The following RPRD2 variants were observed in gnomAD, a reference collection of about 807,000 sequenced individuals.
The protein encoded by RPRD2 is regulation of nuclear pre-mRNA domain containing 2.
Under a neutral mutation model 104.4 loss-of-function variants are expected in RPRD2, and 12 were observed. That is an observed-to-expected ratio of 0.11 (90% CI 0.07 to 0.19). RPRD2 has a LOEUF of 0.19. Among genes scored for constraint, RPRD2 ranks in the 10% least tolerant of loss-of-function variants. The pLI, the probability that RPRD2 is intolerant of heterozygous loss-of-function variation, is 1.00. For missense variants in RPRD2, 1,543 were observed against 1,790.1 expected, an observed-to-expected ratio of 0.86 and a Z score of 2.49; for synonymous variants, 714 against 684.9, an observed-to-expected ratio of 1.04 and a Z score of -0.66.
intron 10 of RPRD2, among the ~76,000 whole-genome samples, chr1:150,465,467 A>C (rs1481163809): frequency 2.0e-5 from 3 of 152,170 alleles, no homozygotes; most frequent in Non-Finnish European, 4.4e-5. Context: ...AGAATTATAA[A>C]ATGTGAAAGC....
In RPRD2 at chr1:150,471,492, C is replaced by T; in HGVS notation, c.2544C>T (p.Asn848=). Residue 848 remains asparagine (N), a synonymous_variant, in exon 11 of 11, where the codon AAC becomes AAT. Transcript: ENST00000369068. This position sits in a 1 kb window ranked among gnomAD's most constrained non-coding sequence, Gnocchi z 5.3. ...GGCCTCCACCCTCTGCCATGATGAACCTAGAGAAGAAACCAGCCAAATCTA... is the reference window on the plus strand; with the variant it reads ...GGCCTCCACCCTCTGCCATGATGAATCTAGAGAAGAAACCAGCCAAATCTA... The part of the protein sequence containing the change: ...YSGPPPSAMM[N]LEKKPAKSIL... The T allele has an allele frequency of 6.2e-7, 1 of 1,613,748 alleles. No homozygotes were observed. The highest frequency in any genetic ancestry group is 8.5e-7 in the Non-Finnish European group (1 of 1,179,848).
chr1:150,457,604 C>T (rs781936810), intron 8 of RPRD2, 34 bp downstream of exon 8: 23 of 1,590,166 alleles, frequency 1.4e-5, no homozygotes, highest in Non-Finnish European at 1.9e-5. Flanking sequence ...ACAACTTATT[C>T]CTTATCTGTT....
chr1:150,387,566 CCTTTTTTTTTTTTTTTTTTTTT>C lies in RPRD2; in HGVS notation c.205+22648_205+22669del, dbSNP rs1449101976. ...TAAATCTTACAGAAGTTGCAACAGA[CCTTTTTTTTTTTTTTTTTTTTT>C]TTTTTTTTTTTTTTTTTTTTGAGAC... On this transcript the variant is annotated intron_variant, in intron 1 of 10. Transcript: ENST00000369068. 9.6e-4 allele frequency among the ~76,000 whole-genome samples: 67 copies of C among 70,128 alleles called. 1 individual carries two copies. Among genetic ancestry groups the C allele is most frequent in the South Asian group, 7.0e-3 (12 of 1,720 alleles). The allele number at this position is 70,128 out of a possible 152,430, so 46.0% of individuals were successfully genotyped here.
intron 2 of RPRD2, among the ~76,000 whole-genome samples, chr1:150,440,320 G>A (rs782356502): frequency 5.3e-5 from 8 of 151,994 alleles, no homozygotes; most frequent in East Asian, 1.9e-4. Context: ...CATCCACCTC[G>A]GCCTCCCAAA....
At chr1:150,464,749 G>A in intron 10 of RPRD2, 22 bp downstream of exon 10, 5 of 1,574,284 alleles carry the variant, frequency 3.2e-6, no homozygotes, top group Non-Finnish European at 4.3e-6. Context: ...ATGCCAGAGG[G>A]ACTCGAATTG....
chr1:150,465,790 T>C (rs2012751), intron 10 of RPRD2, among the ~76,000 whole-genome samples: 90,921 of 151,814 alleles, frequency 0.6, 27,732 homozygotes, highest in African/African-American at 0.65. Flanking sequence ...CAGGTGCAGT[T>C]GCTCACGCCT....
At chr1:150,467,132 G>A (rs1298223174) in intron 10 of RPRD2, among the ~76,000 whole-genome samples, 1 of 152,182 alleles carries the variant, frequency 6.6e-6, no homozygotes, top group African/African-American at 2.4e-5. Flanking sequence ...AAGGAGTGGT[G>A]TAAAACAGTT....
At position 150,384,639 on chromosome 1, in the gene RPRD2, TTGTG is replaced by T. The variant is rs71086504; in HGVS notation, c.205+19760_205+19763del. Among the ~76,000 whole-genome samples the T allele has an allele frequency of 4.3e-3, 568 of 133,362 alleles. 6 individuals are homozygous for T. Among genetic ancestry groups the T allele is most frequent in the East Asian group, 0.026 (111 of 4,292 alleles). The allele number at this position is 133,362 out of a possible 152,430, so 87.5% of individuals were successfully genotyped here. On this transcript the variant is annotated intron_variant, in intron 1 of 10. Transcript: ENST00000369068. The stretch of plus-strand genomic sequence containing the variant: ...GCGCCTGCCACCACGCCTGGCTAAT[TTGTG>T]TGTGTGTGTGTGTGTGTGTGTGTGT...
In RPRD2 at chr1:150,400,948, G is replaced by C. The variant is rs587621600; in HGVS notation, c.206-16648G>C. Among the ~76,000 whole-genome samples the C allele has an allele frequency of 2.6e-5, 4 of 151,806 alleles. No homozygotes were observed. In the South Asian group the frequency reaches 8.3e-4, roughly 32 times the overall value. On this transcript the variant is annotated intron_variant, in intron 1 of 10. Transcript: ENST00000369068. ...TCCCAGCACTTTGGGAGGCCAAGGT[G>C]GGTGGATCACGAGGTCAGGAGATCG...
At chr1:150,411,652 G>T (rs1214751039) in intron 1 of RPRD2, among the ~76,000 whole-genome samples, 1 of 128,680 alleles carries the variant, frequency 7.8e-6, no homozygotes, top group South Asian at 2.2e-4. Context: ...TTAGCCAGGC[G>T]TGGTGATGCG....
chr1:150,419,601 C>A (rs1053300576), intron 2 of RPRD2, among the ~76,000 whole-genome samples: 3 of 152,080 alleles, frequency 2.0e-5, no homozygotes, highest in African/African-American at 7.2e-5. Context: ...CAACTTTATA[C>A]CGTGGGCACT....
chr1:150,429,332 T>C (rs1276156112), intron 2 of RPRD2, among the ~76,000 whole-genome samples: 1 of 152,040 alleles, frequency 6.6e-6, no homozygotes, highest in African/African-American at 2.4e-5. Flanking sequence ...CCTCAGTTGA[T>C]CCCAAAGTGT....
At chr1:150,395,528 T>TC (rs1430325355) in intron 1 of RPRD2, among the ~76,000 whole-genome samples, 17 of 151,516 alleles carry the variant, frequency 1.1e-4, no homozygotes, top group African/African-American at 3.9e-4. Flanking sequence ...TTTTTTTTTT[T>TC]TTGAGATGGA....
In RPRD2 at chr1:150,417,723, G is replaced by T; in HGVS notation, c.333G>T (p.Val111=). The T allele has an allele frequency of 1.9e-6, 3 of 1,594,806 alleles. No homozygotes were observed. The highest frequency in any genetic ancestry group is 2.6e-6 in the Non-Finnish European group (3 of 1,168,058). Residue 111 remains valine, a splice_region_variant and synonymous_variant, in exon 2 of 11, where the codon GTG becomes GTT. Transcript: ENST00000369068. Reference sequence around the variant, plus strand: ...TACTTCCTGAAGCAGCTGCTCTAGTGAAGTAAGTAAATCTTTATTGCTCTA... The same window carrying T: ...TACTTCCTGAAGCAGCTGCTCTAGTTAAGTAAGTAAATCTTTATTGCTCTA... ...ADVLPEAAAL[V]KDPSVSKSVE... is the part of the protein sequence containing the mutation.
chr1:150,402,733 G>A (rs368163009), intron 1 of RPRD2, among the ~76,000 whole-genome samples: 20 of 152,216 alleles, frequency 1.3e-4, no homozygotes, highest in South Asian at 1.2e-3. Context: ...TTGGGAGGCC[G>A]AGGTGGGCAG....
chr1:150,382,417 C>G (rs587599821), intron 1 of RPRD2, among the ~76,000 whole-genome samples: 2 of 152,280 alleles, frequency 1.3e-5, no homozygotes, highest in East Asian at 3.9e-4. Context: ...CAGAGTTTGG[C>G]TCTGTTGCCC....
At chr1:150,466,794 T>C (rs1668310707) in intron 10 of RPRD2, among the ~76,000 whole-genome samples, 6 of 152,194 alleles carry the variant, frequency 3.9e-5, no homozygotes, top group Admixed American at 2.0e-4. Context: ...TACTCTCTTA[T>C]GCTCCAGATA....
At chr1:150,384,516 G>C (rs1329640722) in intron 1 of RPRD2, among the ~76,000 whole-genome samples, 1 of 149,592 alleles carries the variant, frequency 6.7e-6, no homozygotes, top group Non-Finnish European at 1.5e-5. Flanking sequence ...TTGTTGCCCA[G>C]GCTGGAGTGC....
intron 2 of RPRD2, among the ~76,000 whole-genome samples, chr1:150,438,132 A>G (rs587693492): frequency 4.7e-4 from 72 of 151,582 alleles, no homozygotes; most frequent in African/African-American, 1.7e-3. Context: ...AAAAATATAT[A>G]TACAAAAATT....
Sources: gnomAD v4.1 joint callset for allele counts (sites outside exome capture counted in the v4.1 genomes callset) on GRCh38, gnomAD v4.1.1 for gene constraint, Gnocchi (gnomAD v3.1) non-coding constraint, MANE v1.5 for transcripts, NCBI Gene and HGNC (gene_info 2026-07-23, HGNC 2026-07-21) for gene names.